Variants in ARMC9 observed in about 807,000 individuals in gnomAD.
ARMC9 encodes lisH domain-containing protein ARMC9.
In ARMC9, 94 loss-of-function variants were observed where a neutral mutation model predicts 107.0. The observed-to-expected ratio is 0.88, with a 90% CI of 0.74 to 1.04. The LOEUF (loss-of-function observed/expected upper bound fraction) is 1.04. ARMC9 is among the 50% of genes least tolerant of loss of function. The pLI, the probability that ARMC9 is intolerant of heterozygous loss-of-function variation, is 0.00. For missense variants in ARMC9, 942 were observed against 1,030.1 expected (o/e 0.91, Z 1.17); for synonymous variants, 380 against 396.9 (o/e 0.96, Z 0.51).
intron 9 of ARMC9, among the ~76,000 whole-genome samples, chr2:231,244,828 G>T (rs1387271372): frequency 6.6e-6 from 1 of 152,256 alleles, no homozygotes; most frequent in Non-Finnish European, 1.5e-5. Context: ...GAGTTGACAC[G>T]TCTTCTCTGG....
Position 231,226,759 on chromosome 2 carries a change from T to A in ARMC9, c.598-15T>A, listed in dbSNP as rs200066694. The A allele has an allele frequency of 4.3e-6, 7 of 1,613,410 alleles. No homozygotes were observed. In the East Asian group the frequency reaches 1.3e-4, roughly 31 times the overall value. ...CCCTGAATGCCTGTTTTCCTGAACT[T>A]CTTTTTCATCCCAGAAGGAGAATGG... On this transcript the variant is annotated splice_polypyrimidine_tract_variant and intron_variant, in intron 6 of 24. Coordinates refer to ENST00000611582, the MANE Select transcript of ARMC9 (RefSeq NM_001352754.2).
At chr2:231,234,472 A>T (rs970510835) in intron 7 of ARMC9, among the ~76,000 whole-genome samples, 16 of 152,194 alleles carry the variant, frequency 1.1e-4, no homozygotes, top group Non-Finnish European at 2.2e-4. Context: ...AAGCAGCCCA[A>T]AGTTTTATTT....
At position 231,335,405 on chromosome 2, in the gene ARMC9, C is replaced by T. The variant is rs1201003184; in HGVS notation, c.1878+3508C>T. 2.6e-5 allele frequency among the ~76,000 whole-genome samples: 4 copies of T among 152,152 alleles called. No individual in the cohort carries two copies. The East Asian group carries it at 5.8e-4, about 22-fold the overall frequency. ...CGACTGGGGCGTCCGCCAGAGTGTT[C>T]GGGGATGGGAGGAAGCTATTCCCAG... is the stretch of plus-strand genomic sequence containing the variant. On this transcript the variant is annotated intron_variant, in intron 20 of 24. Transcript: ENST00000611582.
chr2:231,212,186 A>G (rs1164488762), intron 3 of ARMC9, among the ~76,000 whole-genome samples: 1 of 152,202 alleles, frequency 6.6e-6, no homozygotes, highest in African/African-American at 2.4e-5. Flanking sequence ...TCTACAAGTT[A>G]CTATTGATGG....
At chr2:231,263,007 A>G (rs1365290834) in intron 12 of ARMC9, among the ~76,000 whole-genome samples, 2 of 152,054 alleles carry the variant, frequency 1.3e-5, no homozygotes, top group African/African-American at 4.8e-5. Context: ...CTTAAGCCCC[A>G]GGCCTGGTAC....
chr2:231,247,097 A>G (rs932533706), intron 9 of ARMC9, among the ~76,000 whole-genome samples: 11 of 152,014 alleles, frequency 7.2e-5, no homozygotes, highest in African/African-American at 2.4e-4. Flanking sequence ...CTGGGACTAC[A>G]GGCTCCCGCC....
intron 20 of ARMC9, among the ~76,000 whole-genome samples, chr2:231,335,496 T>C (rs999606565): frequency 6.6e-6 from 1 of 152,156 alleles, no homozygotes. Flanking sequence ...CCTCAAAGTC[T>C]ACCCACAGCT....
intron 19 of ARMC9, among the ~76,000 whole-genome samples, chr2:231,315,918 C>T (rs927512872): frequency 1.6e-4 from 25 of 152,042 alleles, no homozygotes; most frequent in Non-Finnish European, 2.1e-4. Flanking sequence ...ACTTTTTAGC[C>T]GTATTTGCCT....
At chr2:231,271,331 A>T (rs1175646042) in intron 13 of ARMC9, among the ~76,000 whole-genome samples, 1 of 152,234 alleles carries the variant, frequency 6.6e-6, no homozygotes, top group African/African-American at 2.4e-5. Context: ...GTTTTGTAAC[A>T]TAGTAACATT....
At chr2:231,269,656 G>A (rs2039148742) in intron 12 of ARMC9, among the ~76,000 whole-genome samples, 1 of 151,796 alleles carries the variant, frequency 6.6e-6, no homozygotes, top group Non-Finnish European at 1.5e-5. Context: ...TGGGATTATA[G>A]GCATGAGCCA....
chr2:231,341,340 C>T (rs2044488093), intron 20 of ARMC9, among the ~76,000 whole-genome samples: 1 of 152,194 alleles, frequency 6.6e-6, no homozygotes, highest in Admixed American at 6.5e-5. Context: ...GTGATCAACT[C>T]AGGAAGAAAG....
At chr2:231,339,128 G>A (rs2044326501) in intron 20 of ARMC9, among the ~76,000 whole-genome samples, 2 of 152,126 alleles carry the variant, frequency 1.3e-5, no homozygotes, top group African/African-American at 4.8e-5. Flanking sequence ...AGGAGTTCAA[G>A]ACCAGCCTGG....
intron 8 of ARMC9, 46 bp from the exon 9 acceptor site, chr2:231,239,897 A>G (rs753970806): frequency 6.5e-7 from 1 of 1,540,856 alleles, no homozygotes; most frequent in Admixed American, 1.7e-5. Flanking sequence ...GGTGTCCCTC[A>G]GTGAGTTTCA....
intron 9 of ARMC9, among the ~76,000 whole-genome samples, chr2:231,245,570 G>A (rs536213000): frequency 1.2e-3 from 187 of 152,314 alleles, no homozygotes; most frequent in Non-Finnish European, 2.1e-3. Flanking sequence ...CCCTCCCTTC[G>A]CTCAGCGCAT....
Position 231,276,640 on chromosome 2 carries a change from C to T in ARMC9, c.1339C>T (p.Pro447Ser), listed in dbSNP as rs1559390438. The T allele has an allele frequency of 6.2e-7, 1 of 1,614,038 alleles. No homozygotes were observed. Among genetic ancestry groups the T allele is most frequent in the East Asian group, 2.2e-5 (1 of 44,896 alleles). Residue 447 changes from proline (P) to serine (S), a missense_variant, in exon 15 of 25, where the codon CCG (proline) becomes TCG (serine). Physicochemically the swap from Pro to Ser is moderately conservative, Grantham distance 74. Transcript: ENST00000611582. Reference sequence around the variant, plus strand: ...CCGTAGGCTCTTTCTTCCCAGGCGCCCGCTGCAGACAGCGATGATTCAAGA... The same window carrying T: ...CCGTAGGCTCTTTCTTCCCAGGCGCTCGCTGCAGACAGCGATGATTCAAGA... Reference protein sequence around the residue: ...GALQKFSLRRPLQTAMIQDGL... With the variant: ...GALQKFSLRRSLQTAMIQDGL...
chr2:231,321,803 C>G (rs1195125475), intron 19 of ARMC9, among the ~76,000 whole-genome samples: 1 of 152,058 alleles, frequency 6.6e-6, no homozygotes, highest in African/African-American at 2.4e-5. Context: ...GCACTGGGTC[C>G]CTCTCCCTCT....
intron 20 of ARMC9, among the ~76,000 whole-genome samples, chr2:231,336,314 A>C (rs1391216477): frequency 2.0e-5 from 3 of 151,678 alleles, no homozygotes; most frequent in Admixed American, 6.6e-5. Flanking sequence ...TGACTGCTTC[A>C]CACAACTCCA....
chr2:231,248,605 G>A (rs541858269), intron 9 of ARMC9, among the ~76,000 whole-genome samples: 46 of 151,984 alleles, frequency 3.0e-4, no homozygotes, highest in Admixed American at 1.2e-3. Flanking sequence ...TCAGGAGTTC[G>A]AGACCAGCCT....
At chr2:231,206,413 C>G (rs1446721697) in intron 2 of ARMC9, 124 bp downstream of exon 2, 7 of 802,396 alleles carry the variant, frequency 8.7e-6, no homozygotes, top group Non-Finnish European at 1.3e-5. Flanking sequence ...AGCTATTTTT[C>G]TATTATATAA....
Sources: allele counts gnomAD v4.1 joint callset (sites outside exome capture counted in the v4.1 genomes callset), GRCh38; gene constraint gnomAD v4.1.1; transcripts MANE v1.5; gene names NCBI Gene and HGNC (gene_info 2026-07-23, HGNC 2026-07-21).